The following FMN2 variants were observed in gnomAD, a reference collection of about 807,000 sequenced individuals.
FMN2 encodes formin-2.
A neutral mutation model predicts 142.3 loss-of-function variants in FMN2; 51 were observed. The ratio of observed to expected loss-of-function variants is 0.36; its 90% CI spans 0.29 to 0.45. The LOEUF is 0.45. Among genes scored for constraint, FMN2 ranks in the 20% least tolerant of loss-of-function variants. The pLI is 1.00. For synonymous variants in FMN2, 882 were observed against 869.8 expected (o/e 1.01, Z -0.25); for missense variants, 1,936 against 2,122.8 (o/e 0.91, Z 1.73).
At chr1:240,283,993 G>T (rs186486128) in intron 7 of FMN2, among the ~76,000 whole-genome samples, 173 of 152,046 alleles carry the variant, frequency 1.1e-3, no homozygotes, top group Admixed American at 2.0e-3. Context: ...TTCCTCCTTC[G>T]TCTGGCCTGG....
intron 8 of FMN2, among the ~76,000 whole-genome samples, chr1:240,310,632 G>A (rs1372783030): frequency 6.6e-6 from 1 of 152,150 alleles, no homozygotes; most frequent in Non-Finnish European, 1.5e-5. Context: ...TAAGTTCAGA[G>A]AGTAAGATCT....
chr1:240,404,804 T>C (rs1558474117), intron 15 of FMN2, among the ~76,000 whole-genome samples: 1 of 152,240 alleles, frequency 6.6e-6, no homozygotes, highest in Non-Finnish European at 1.5e-5. Flanking sequence ...TGGAAAGTTA[T>C]ACAAAATCTG....
intron 15 of FMN2, among the ~76,000 whole-genome samples, chr1:240,393,087 A>G (rs1268561398): frequency 6.6e-6 from 1 of 151,758 alleles, no homozygotes; most frequent in African/African-American, 2.4e-5. Context: ...AAAAGAACAA[A>G]CTGGCGATAC....
chr1:240,197,341 C>G (rs978164907), intron 4 of FMN2, among the ~76,000 whole-genome samples: 1 of 152,174 alleles, frequency 6.6e-6, no homozygotes, highest in Non-Finnish European at 1.5e-5. Flanking sequence ...TGTAACATCC[C>G]TTCTAGTAAG....
chr1:240,270,271 A>G (rs560742874), intron 7 of FMN2, among the ~76,000 whole-genome samples: 1 of 152,176 alleles, frequency 6.6e-6, no homozygotes, highest in Non-Finnish European at 1.5e-5. Context: ...GGAAAAGAGA[A>G]CTCTTCCATA....
intron 15 of FMN2, among the ~76,000 whole-genome samples, chr1:240,435,780 C>T (rs1469129296): frequency 6.6e-6 from 1 of 152,168 alleles, no homozygotes; most frequent in Non-Finnish European, 1.5e-5. Flanking sequence ...TACCATACTA[C>T]CTCGTGATAA....
At chr1:240,223,544 G>T (rs201203403) in intron 6 of FMN2, among the ~76,000 whole-genome samples, 21 of 152,132 alleles carry the variant, frequency 1.4e-4, no homozygotes, top group Non-Finnish European at 2.6e-4. Flanking sequence ...GTTTGGAACC[G>T]TTTCGGAAGG....
intron 4 of FMN2, among the ~76,000 whole-genome samples, chr1:240,203,159 A>G (rs1666191770): frequency 6.6e-6 from 1 of 152,156 alleles, no homozygotes; most frequent in South Asian, 2.1e-4. Context: ...TTCTTCTTGT[A>G]CTCACTATCA....
chr1:240,185,842 T>C (rs1572035078), intron 3 of FMN2, among the ~76,000 whole-genome samples: 1 of 152,146 alleles, frequency 6.6e-6, no homozygotes, highest in East Asian at 1.9e-4. Context: ...TTGGGAGGAT[T>C]TGGAAGTGAC....
intron 15 of FMN2, among the ~76,000 whole-genome samples, chr1:240,423,596 T>C (rs1352637610): frequency 6.6e-6 from 1 of 152,188 alleles, no homozygotes; most frequent in African/African-American, 2.4e-5. Context: ...TCAGCCTTTT[T>C]TGCTGTACTC....
intron 7 of FMN2, among the ~76,000 whole-genome samples, chr1:240,261,254 A>T (rs1668617485): frequency 6.6e-6 from 1 of 151,998 alleles, no homozygotes; most frequent in Non-Finnish European, 1.5e-5. Context: ...CGATAGGCAA[A>T]ATAAGACCTG....
intron 14 of FMN2, among the ~76,000 whole-genome samples, chr1:240,379,540 G>A (rs1023218635): frequency 1.3e-5 from 2 of 151,998 alleles, no homozygotes; most frequent in African/African-American, 4.8e-5. Context: ...AGCAAAACTG[G>A]TTGGCTTATT....
At chr1:240,259,084 G>A (rs1668540278) in intron 7 of FMN2, among the ~76,000 whole-genome samples, 1 of 152,132 alleles carries the variant, frequency 6.6e-6, no homozygotes, top group Admixed American at 6.5e-5. Context: ...AAATTGTTTT[G>A]ATGGGGAGGA....
At chr1:240,223,159 A>G (rs920846469) in intron 6 of FMN2, among the ~76,000 whole-genome samples, 11 of 152,180 alleles carry the variant, frequency 7.2e-5, no homozygotes, top group Non-Finnish European at 1.5e-4. Context: ...GATACATTCC[A>G]TCAATACCTA....
intron 7 of FMN2, among the ~76,000 whole-genome samples, chr1:240,280,702 G>T (rs1669366131): frequency 6.6e-6 from 1 of 152,120 alleles, no homozygotes; most frequent in Admixed American, 6.6e-5. Context: ...ACAGTGCGTT[G>T]TTTGAAACTC....
intron 2 of FMN2, among the ~76,000 whole-genome samples, chr1:240,150,763 A>G (rs1222196575): frequency 6.6e-6 from 1 of 152,202 alleles, no homozygotes. Flanking sequence ...TATTTTTTAT[A>G]AAGAGACTGG....
chr1:240,196,459 C>T (rs547704712), intron 4 of FMN2, among the ~76,000 whole-genome samples: 1 of 152,292 alleles, frequency 6.6e-6, no homozygotes, highest in African/African-American at 2.4e-5. Flanking sequence ...CCCAGACCTA[C>T]TGAACTGGAA....
intron 2 of FMN2, among the ~76,000 whole-genome samples, chr1:240,147,820 G>T (rs1163948225): frequency 6.6e-6 from 1 of 152,154 alleles, no homozygotes; most frequent in African/African-American, 2.4e-5. Flanking sequence ...TGCTGCCTGG[G>T]AATATTTATA....
chr1:240,296,713 T>G (rs1670002676), intron 8 of FMN2, among the ~76,000 whole-genome samples: 1 of 151,664 alleles, frequency 6.6e-6, no homozygotes, highest in South Asian at 2.1e-4. Context: ...GTCTCATCTG[T>G]GAGATTGAGA....
Sources: gnomAD v4.1 joint callset for allele counts (sites outside exome capture counted in the v4.1 genomes callset) on GRCh38, gnomAD v4.1.1 for gene constraint, MANE v1.5 for transcripts, NCBI Gene and HGNC (gene_info 2026-07-23, HGNC 2026-07-21) for gene names.